TPR: variants seen among roughly 807,000 people sequenced by gnomAD.
TPR encodes the protein translocated promoter region, nuclear basket protein, also known as nucleoprotein TPR.
A neutral mutation model predicts 316.1 loss-of-function variants in TPR; 51 were observed. That is an observed-to-expected ratio of 0.16 (90% CI 0.13 to 0.20). The LOEUF is 0.20. Among genes scored for constraint, TPR ranks in the 10% least tolerant of loss-of-function variants. TPR has a pLI of 1.00. For missense variants in TPR, 2,272 were observed against 2,754.8 expected (o/e 0.82, Z 3.92); for synonymous variants, 981 against 914.7 (o/e 1.07, Z -1.31).
intron 29 of TPR, among the ~76,000 whole-genome samples, chr1:186,340,131 T>C (rs1387528551): frequency 6.6e-6 from 1 of 152,130 alleles, no homozygotes; most frequent in Non-Finnish European, 1.5e-5. Context: ...AAAAAAAATA[T>C]AGACAATGCA....
intron 46 of TPR, 28 bp from the exon 47 acceptor site, chr1:186,318,856 T>C (rs764126218): frequency 1.3e-6 from 2 of 1,599,666 alleles, no homozygotes; most frequent in Admixed American, 1.7e-5. Flanking sequence ...TATTAATGAA[T>C]GACTGAAAAA....
At chr1:186,337,240 C>T (rs1658366734) in intron 31 of TPR, 84 bp from the exon 32 acceptor site, 1 of 1,459,064 alleles carries the variant, frequency 6.9e-7, no homozygotes, top group Admixed American at 2.4e-5. Flanking sequence ...AAAATAATCA[C>T]AGCTTTGCAA....
In TPR at chr1:186,336,708, C is replaced by G; in HGVS notation, c.4507-14G>C. Reference sequence around the variant, plus strand: ...TTCAGATAATGTCTTTAAAGGAAAACAAAGTATTCACCATGGAATTCAATC... The same window carrying G: ...TTCAGATAATGTCTTTAAAGGAAAAGAAAGTATTCACCATGGAATTCAATC... On this transcript the variant is annotated splice_polypyrimidine_tract_variant and intron_variant, in intron 32 of 50. Transcript: ENST00000367478. 6.2e-7 allele frequency: 1 copy of G among 1,607,398 alleles called. No homozygotes were observed. The highest frequency in any genetic ancestry group is 8.5e-7 in the Non-Finnish European group (1 of 1,176,396).
At chr1:186,332,491 G>C in intron 37 of TPR, 148 bp from the exon 38 acceptor site, 1 of 855,292 alleles carries the variant, frequency 1.2e-6, no homozygotes, top group Non-Finnish European at 1.7e-6. Context: ...TCAACTCCTA[G>C]ATCAATGTCC....
intron 9 of TPR, 82 bp downstream of exon 9, chr1:186,361,540 C>T: frequency 2.2e-6 from 3 of 1,375,352 alleles, no homozygotes; most frequent in Non-Finnish European, 3.0e-6. Flanking sequence ...CACCTAAATC[C>T]AATCATCTAT....
chr1:186,316,597 TTC>T (rs1276617534), intron 49 of TPR, among the ~76,000 whole-genome samples: 1 of 152,230 alleles, frequency 6.6e-6, no homozygotes, highest in Non-Finnish European at 1.5e-5. Flanking sequence ...GTAAAGGTAA[TTC>T]TCTGTCTAAA....
intron 13 of TPR, 141 bp downstream of exon 13, chr1:186,358,402 G>A: frequency 1.8e-6 from 1 of 564,690 alleles, no homozygotes; most frequent in South Asian, 2.8e-5. Context: ...AACAATGGGG[G>A]TGCAACTCTG....
chr1:186,345,760 T>C, intron 23 of TPR, 64 bp from the exon 24 acceptor site: 2 of 1,151,020 alleles, frequency 1.7e-6, no homozygotes. Flanking sequence ...AATACTGTAT[T>C]GTAGTGTTAC....
Position 186,313,248 on chromosome 1 carries a change from A to G in TPR, c.*723T>C. On this transcript the variant is annotated 3_prime_UTR_variant, in exon 51 of 51. Transcript: ENST00000367478. ...CACTGCAGAGTCTGTAAGATCAGAA[A>G]GAAGTTCCTGAGAAACTAATTTTAT... 1 of 321,978 alleles carries G rather than the reference A, an allele frequency of 3.1e-6. No homozygotes were observed. Among genetic ancestry groups the G allele is most frequent in the Non-Finnish European group, 5.8e-6 (1 of 172,630 alleles). The allele number at this position is 321,978 out of a possible 1,614,324, so 19.9% of individuals were successfully genotyped here.
At chr1:186,317,828 G>C (rs569584258) in intron 48 of TPR, among the ~76,000 whole-genome samples, 1 of 152,044 alleles carries the variant, frequency 6.6e-6, no homozygotes, top group Non-Finnish European at 1.5e-5. Flanking sequence ...TCCAATTTTA[G>C]TTTATGATTT....
At chr1:186,339,808 GT>G in intron 29 of TPR, 36 bp from the exon 30 acceptor site, 1 of 1,531,280 alleles carries the variant, frequency 6.5e-7, no homozygotes. Context: ...ATTTTTTTAG[GT>G]TTTATGAAAC....
At chr1:186,339,555 C>T in intron 30 of TPR, 87 bp downstream of exon 30, 1 of 1,166,656 alleles carries the variant, frequency 8.6e-7, no homozygotes. Context: ...TTTCTAAAAC[C>T]AGGAGGCAGG....
At chr1:186,369,652 G>A (rs1181264042) in intron 3 of TPR, among the ~76,000 whole-genome samples, 1 of 151,920 alleles carries the variant, frequency 6.6e-6, no homozygotes, top group African/African-American at 2.4e-5. Context: ...GAATCTTTCA[G>A]GTTTTCTACA....
chr1:186,339,640 A>G lies in TPR; in HGVS notation c.4151+2T>C. On this transcript the variant is annotated splice_donor_variant, in intron 30 of 50. Transcript: ENST00000367478. LOFTEE classifies it high-confidence loss of function. ...TATGATTTAAGGCTTCTTTCCATAT[A>G]CCTTGCAATTTCAGCTTTAAGTCTA... 1 of 1,573,694 alleles carries G rather than the reference A, an allele frequency of 6.4e-7. No homozygotes were observed. Among genetic ancestry groups the G allele is most frequent in the Non-Finnish European group, 8.6e-7 (1 of 1,163,458 alleles).
At chr1:186,327,809 C>CT in intron 39 of TPR, 149 bp from the exon 40 acceptor site, 1 of 696,650 alleles carries the variant, frequency 1.4e-6, no homozygotes, top group East Asian at 2.8e-5. Context: ...TTGAGACAGT[C>CT]TCGCTCTTGT....
intron 49 of TPR, among the ~76,000 whole-genome samples, chr1:186,316,440 G>T (rs1657615539): frequency 6.6e-6 from 1 of 152,140 alleles, no homozygotes; most frequent in South Asian, 2.1e-4. Context: ...GGATAGCAAA[G>T]TTCTGTGATT....
intron 13 of TPR, among the ~76,000 whole-genome samples, chr1:186,358,114 T>C (rs1453545842): frequency 6.6e-6 from 1 of 152,188 alleles, no homozygotes; most frequent in Non-Finnish European, 1.5e-5. Context: ...TTGTTAAGTG[T>C]CAGAGTAATG....
At chr1:186,368,765 G>A (rs901828016) in intron 3 of TPR, among the ~76,000 whole-genome samples, 2 of 152,154 alleles carry the variant, frequency 1.3e-5, no homozygotes, top group Non-Finnish European at 2.9e-5. Flanking sequence ...GTTTGATGTA[G>A]TTCCGTTTAT....
intron 27 of TPR, 49 bp downstream of exon 27, chr1:186,343,277 G>A: frequency 1.3e-6 from 2 of 1,573,316 alleles, no homozygotes; most frequent in Non-Finnish European, 1.7e-6. Flanking sequence ...ATAAATGAGT[G>A]CTTCTCTTTT....
Sources: allele counts gnomAD v4.1 joint callset (sites outside exome capture counted in the v4.1 genomes callset), GRCh38; gene constraint gnomAD v4.1.1; transcripts MANE v1.5; gene names NCBI Gene and HGNC (gene_info 2026-07-23, HGNC 2026-07-21).